CCR9: variants seen among roughly 807,000 people sequenced by gnomAD.
CCR9 encodes the protein C-C chemokine receptor type 9.
In CCR9, 4 loss-of-function variants were observed where a neutral mutation model predicts 8.7. The ratio of observed to expected loss-of-function variants is 0.46; its 90% CI spans 0.23 to 1.06. The LOEUF is 1.06. Ranked by LOEUF, CCR9 falls within the 50% of genes least tolerant of loss-of-function variation. The pLI, the probability that CCR9 is intolerant of heterozygous loss-of-function variation, is 0.21. For missense variants in CCR9, 394 were observed against 453.6 expected (o/e 0.87, Z 1.19); for synonymous variants, 159 against 168.8 (o/e 0.94, Z 0.45).
chr3:45,892,637 G>A (rs1256469860), intron 1 of CCR9, among the ~76,000 whole-genome samples: 2 of 151,974 alleles, frequency 1.3e-5, no homozygotes, highest in Non-Finnish European at 1.5e-5. Context: ...CCTGGGTGGC[G>A]AAATAATCTA....
In CCR9 at chr3:45,887,358, G is replaced by GT. The variant is rs369652664; in HGVS notation, c.-29+708dup. ...TAAACTAGGAAAGGGTGCTTCAGGA[G>GT]TTTTTATTTTCTATATTATGTATGT... is the stretch of plus-strand genomic sequence containing the variant. On this transcript the variant is annotated intron_variant, in intron 1 of 2. Transcript: ENST00000357632. 1.2e-3 allele frequency among the ~76,000 whole-genome samples: 179 copies of GT among 152,136 alleles called. No homozygotes were observed. The Middle Eastern group carries it at 0.024, about 20-fold the overall frequency.
At chr3:45,895,560 CA>C (rs1047596235) in intron 2 of CCR9, among the ~76,000 whole-genome samples, 1 of 152,070 alleles carries the variant, frequency 6.6e-6, no homozygotes, top group African/African-American at 2.4e-5. Context: ...ACTAAAAATA[CA>C]AAAATAGCTA....
chr3:45,894,248 T>G (rs1011814670), intron 1 of CCR9, among the ~76,000 whole-genome samples: 2 of 152,314 alleles, frequency 1.3e-5, no homozygotes, highest in African/African-American at 2.4e-5. Flanking sequence ...TTTTCTTCAG[T>G]ACACAAACCT....
rs200823591 is a variant in CCR9, at chr3:45,902,176, C to T, written c.*278C>T. On this transcript the variant is annotated 3_prime_UTR_variant, in exon 3 of 3. Coordinates refer to ENST00000357632, the MANE Select transcript of CCR9 (RefSeq NM_031200.3). The stretch of plus-strand genomic sequence containing the variant: ...TGTGGAGCACCCTGGCTTTGCCACT[C>T]GCCGGAGCATCAATGCCGCTGCCTC... 9.3e-6 allele frequency: 3 copies of T among 324,310 alleles called. No homozygotes were observed. The highest frequency in any genetic ancestry group is 9.0e-4 in the Middle Eastern group (1 of 1,112). 20.1% of individuals were successfully genotyped at this position (324,310 alleles called of 1,614,324 possible).
In CCR9 at chr3:45,891,396, T is replaced by C. The variant is rs534048200; in HGVS notation, c.-28-3510T>C. Among the ~76,000 whole-genome samples, 13 of 152,366 alleles carry C rather than the reference T, an allele frequency of 8.5e-5. 1 individual carries two copies. The South Asian group carries it at 2.7e-3, about 32-fold the overall frequency. On this transcript the variant is annotated intron_variant, in intron 1 of 2. Coordinates refer to ENST00000357632, the MANE Select transcript of CCR9 (RefSeq NM_031200.3). ...GCTTATAAACCCTTCACCCAAACCA[T>C]TGTTTTCATTTTGTCCTACTGGCTT...
chr3:45,899,190 A>T (rs1389416156), intron 2 of CCR9, among the ~76,000 whole-genome samples: 1 of 152,184 alleles, frequency 6.6e-6, no homozygotes, highest in African/African-American at 2.4e-5. Flanking sequence ...AAATAAATAA[A>T]ACAAGTTTTG....
At chr3:45,897,301 G>A (rs1702386897) in intron 2 of CCR9, among the ~76,000 whole-genome samples, 1 of 152,132 alleles carries the variant, frequency 6.6e-6, no homozygotes, top group South Asian at 2.1e-4. Flanking sequence ...TAGATTTGGG[G>A]TGTAAAATTC....
At chr3:45,892,120 G>T (rs1466465438) in intron 1 of CCR9, among the ~76,000 whole-genome samples, 1 of 152,134 alleles carries the variant, frequency 6.6e-6, no homozygotes, top group Admixed American at 6.5e-5. Context: ...ATTATGCTGT[G>T]TATCATTGCT....
intron 1 of CCR9, among the ~76,000 whole-genome samples, chr3:45,893,999 AT>A (rs1394192869): frequency 1.3e-5 from 2 of 152,048 alleles, no homozygotes; most frequent in Non-Finnish European, 2.9e-5. Context: ...GAAAGAGGCT[AT>A]TTTTTTCGAG....
chr3:45,899,391 G>A (rs1347314282), intron 2 of CCR9, among the ~76,000 whole-genome samples: 1 of 152,180 alleles, frequency 6.6e-6, no homozygotes, highest in Non-Finnish European at 1.5e-5. Flanking sequence ...CTAACAGGAG[G>A]TAGAGAATAT....
Position 45,901,414 on chromosome 3 carries a change from A to G in CCR9, c.626A>G (p.Lys209Arg), listed in dbSNP as rs1384630666. 1 of 1,614,178 alleles carries G rather than the reference A, an allele frequency of 6.2e-7. No homozygotes were observed. The highest frequency in any genetic ancestry group is 1.1e-5 in the South Asian group (1 of 91,082). The change falls in exon 3 of 3, where the codon AAA becomes AGA. Residue 209 changes from lysine (K) to arginine (R), a missense_variant. Coordinates refer to ENST00000357632, the MANE Select transcript of CCR9 (RefSeq NM_031200.3). The surrounding 1 kb of genome is among the most constrained non-coding windows in gnomAD (Gnocchi z 4.3). The part of the protein sequence containing the change: ...TMVYPSDEST[K>R]LKSAVLTLKV... ...GTTTACCCTAGCGATGAGAGCACCA[A>G]ACTGAAGTCAGCTGTCTTGACCCTG... is the stretch of plus-strand genomic sequence containing the variant.
In CCR9 at chr3:45,900,358, T is replaced by C. The variant is rs1198426389; in HGVS notation, c.22-452T>C. 6.6e-6 allele frequency among the ~76,000 whole-genome samples: 1 copy of C among 152,102 alleles called. No homozygotes were observed. The highest frequency in any genetic ancestry group is 1.9e-4 in the East Asian group (1 of 5,188). On this transcript the variant is annotated intron_variant, in intron 2 of 2. Coordinates refer to ENST00000357632, the MANE Select transcript of CCR9 (RefSeq NM_031200.3). The surrounding 1 kb of genome is among the most constrained non-coding windows in gnomAD (Gnocchi z 4.7). ...GGGATCCAGATGAGTTTAAGAGCCC[T>C]TGCTAACCTTTTTAGGGTCAGTGAA... is the stretch of plus-strand genomic sequence containing the variant.
At chr3:45,895,337 T>A (rs1218976006) in intron 2 of CCR9, among the ~76,000 whole-genome samples, 1 of 152,260 alleles carries the variant, frequency 6.6e-6, no homozygotes, top group Non-Finnish European at 1.5e-5. Context: ...TAGTTGTATT[T>A]CTTGCATAAC....
At position 45,901,136 on chromosome 3, in the gene CCR9, C is replaced by T. The variant is rs72890686; in HGVS notation, c.348C>T (p.Thr116=). ...CTGCTGACCAGTGGAAGTTCCAGACCTTCATGTGCAAGGTGGTCAACAGCA... is the reference window on the plus strand; with the variant it reads ...CTGCTGACCAGTGGAAGTTCCAGACTTTCATGTGCAAGGTGGTCAACAGCA... The part of the protein sequence containing the change: ...IAAADQWKFQ[T]FMCKVVNSMY... The change falls in exon 3 of 3, where the codon ACC becomes ACT. Residue 116 remains threonine (T), a synonymous_variant. Coordinates refer to ENST00000357632, the MANE Select transcript of CCR9 (RefSeq NM_031200.3). This position sits in a 1 kb window ranked among gnomAD's most constrained non-coding sequence, Gnocchi z 4.3. 479 of 1,614,144 alleles carry T rather than the reference C, an allele frequency of 3.0e-4. 2 individuals are homozygous for T. The African/African-American group carries it at 6.1e-3, about 20-fold the overall frequency.
chr3:45,886,274 A>C (rs1701978105), upstream of CCR9, among the ~76,000 whole-genome samples: 1 of 152,078 alleles, frequency 6.6e-6, no homozygotes, highest in African/African-American at 2.4e-5. Context: ...GGATCCTCCA[A>C]TTTCCCCATT....
intron 2 of CCR9, among the ~76,000 whole-genome samples, chr3:45,897,313 A>G (rs1702387241): frequency 6.6e-6 from 1 of 152,144 alleles, no homozygotes; most frequent in Admixed American, 6.5e-5. Context: ...GTAAAATTCA[A>G]TCACTTAAAA....
intron 1 of CCR9, among the ~76,000 whole-genome samples, chr3:45,887,600 C>G (rs780221962): frequency 6.6e-6 from 1 of 152,208 alleles, no homozygotes; most frequent in Non-Finnish European, 1.5e-5. Flanking sequence ...TGTGCAGCAG[C>G]CAGTCTGTGG....
chr3:45,886,482 C>A (rs1215602272), upstream of CCR9: 2 of 152,210 alleles, frequency 1.3e-5, no homozygotes, highest in African/African-American at 4.8e-5. Flanking sequence ...CCACCAGTGA[C>A]AACACAGGCA....
chr3:45,897,091 G>C (rs932218804), intron 2 of CCR9, among the ~76,000 whole-genome samples: 4 of 152,172 alleles, frequency 2.6e-5, no homozygotes, highest in Non-Finnish European at 2.9e-5. Context: ...TGGGCTCAGA[G>C]GCTTGCCAGG....
Sources: gnomAD v4.1 joint callset for allele counts (sites outside exome capture counted in the v4.1 genomes callset) on GRCh38, gnomAD v4.1.1 for gene constraint, Gnocchi (gnomAD v3.1) non-coding constraint, MANE v1.5 for transcripts, NCBI Gene and HGNC (gene_info 2026-07-23, HGNC 2026-07-21) for gene names.